MILR1: variants seen among roughly 807,000 people sequenced by gnomAD.
MILR1 encodes allergin-1.
MILR1 carries 31 observed loss-of-function variants against 18.5 expected under a neutral mutation model. That is an observed-to-expected ratio of 1.68 (90% CI 1.26 to 2.26). The LOEUF (loss-of-function observed/expected upper bound fraction) is 2.26, where lower values mean the gene tolerates loss of function less well. MILR1 is among the 30% of genes most tolerant of loss of function. The pLI, the probability that MILR1 is intolerant of heterozygous loss-of-function variation, is 0.00. For synonymous variants in MILR1, 85 were observed against 56.2 expected (o/e 1.51, Z -2.30); for missense variants, 257 against 157.4 (o/e 1.63, Z -3.38).
the MILR1 span, chr17:64,485,835 C>T: frequency 6.2e-7 from 1 of 1,613,946 alleles, no homozygotes; most frequent in Non-Finnish European, 8.5e-7. Context: ...ACAGAGAGAA[C>T]ACAAGGAACC....
At chr17:64,493,515 C>T in the MILR1 span, among the ~76,000 whole-genome samples, 2 of 151,864 alleles carry the variant, frequency 1.3e-5, no homozygotes, top group African/African-American at 2.4e-5. Context: ...GATGGAGTCT[C>T]GCTCTGTCGC....
intron 3 of MILR1, among the ~76,000 whole-genome samples, chr17:64,455,128 G>T (rs2037260525): frequency 6.6e-6 from 1 of 152,188 alleles, no homozygotes; most frequent in Admixed American, 6.5e-5. Context: ...GTGAGGGCAG[G>T]AACACAGCTG....
At chr17:64,489,558 C>T in the MILR1 span, among the ~76,000 whole-genome samples, 2 of 151,308 alleles carry the variant, frequency 1.3e-5, no homozygotes, top group African/African-American at 4.9e-5. Context: ...CCCAGGAGTT[C>T]GAGACCAGCC....
chr17:64,472,284 C>T (rs187954513), downstream of MILR1, among the ~76,000 whole-genome samples: 1,575 of 151,462 alleles, frequency 0.01, 22 homozygotes, highest in African/African-American at 0.036. Flanking sequence ...CTGTCCAACA[C>T]GGTGAAACCC....
At position 64,450,141 on chromosome 17, in the gene MILR1, C is replaced by CGT. The variant is rs2037135674; in HGVS notation, c.97+787_97+788dup. Among the ~76,000 whole-genome samples, 528 of 151,974 alleles carry CGT rather than the reference C, an allele frequency of 3.5e-3. 2 individuals carry two copies. Among genetic ancestry groups the CGT allele is most frequent in the Non-Finnish European group, 3.0e-3 (207 of 67,940 alleles). ...TTTTTGTAGAGACGGGGTTTCACATCGTTAGCCAGGATGGTCTCGATCTCC... is the reference window on the plus strand; with the variant it reads ...TTTTTGTAGAGACGGGGTTTCACATCGTGTTAGCCAGGATGGTCTCGATCTCC... On this transcript the variant is annotated intron_variant, in intron 2 of 9. Transcript: ENST00000619286.
chr17:64,493,998 A>G, the MILR1 span, among the ~76,000 whole-genome samples: 1 of 152,160 alleles, frequency 6.6e-6, no homozygotes, highest in African/African-American at 2.4e-5. Context: ...TAATACCACA[A>G]TATAATCTAA....
At chr17:64,472,365 C>A (rs1311060125), downstream of MILR1, among the ~76,000 whole-genome samples, 1 of 141,656 alleles carries the variant, frequency 7.1e-6, no homozygotes, top group Non-Finnish European at 1.5e-5. Flanking sequence ...ACTGGGGAGG[C>A]TGAGGCATGA....
chr17:64,450,750 G>A (rs2037151643), intron 2 of MILR1, among the ~76,000 whole-genome samples: 2 of 152,130 alleles, frequency 1.3e-5, no homozygotes, highest in East Asian at 1.9e-4. Context: ...CCAAAGTGCT[G>A]GGGTTACAGG....
At chr17:64,461,215 A>G (rs1437216102) in intron 5 of MILR1, among the ~76,000 whole-genome samples, 1 of 152,094 alleles carries the variant, frequency 6.6e-6, no homozygotes, top group Non-Finnish European at 1.5e-5. Context: ...CCCTGTGCCA[A>G]GAAGAACTCC....
chr17:64,484,383 C>T, the MILR1 span, among the ~76,000 whole-genome samples: 1 of 152,220 alleles, frequency 6.6e-6, no homozygotes, highest in African/African-American at 2.4e-5. Context: ...GCATCTCCAG[C>T]ATGTTCTAGA....
the MILR1 span, chr17:64,485,554 A>G: frequency 4.7e-6 from 3 of 633,278 alleles, no homozygotes; most frequent in South Asian, 1.9e-5. Context: ...CTATTCTGTG[A>G]GAACCTGATT....
chr17:64,454,553 A>T (rs1233489389), intron 3 of MILR1, among the ~76,000 whole-genome samples: 1 of 152,236 alleles, frequency 6.6e-6, no homozygotes, highest in Non-Finnish European at 1.5e-5. Context: ...ACATTGCTGT[A>T]GCTCAGTGAT....
At chr17:64,485,613 C>A in the MILR1 span, 2 of 857,856 alleles carry the variant, frequency 2.3e-6, 1 homozygote, top group South Asian at 2.8e-5. Flanking sequence ...ACTTAGACTA[C>A]ATGCACTAAA....
chr17:64,496,109 C>T, the MILR1 span, among the ~76,000 whole-genome samples: 2 of 152,174 alleles, frequency 1.3e-5, no homozygotes, highest in Admixed American at 1.3e-4. Context: ...CTGTGTAGTT[C>T]CTTATGCACT....
rs2037630696 is a variant in MILR1 at position 64,468,423 on chromosome 17, G to A, written c.*142G>A. The A allele has an allele frequency of 2.5e-6, 1 of 395,350 alleles. No homozygotes were observed. The highest frequency in any genetic ancestry group is 3.2e-5 in the Admixed American group (1 of 31,260). The allele number at this position is 395,350 out of a possible 1,614,324, so 24.5% of individuals were successfully genotyped here. On this transcript the variant is annotated 3_prime_UTR_variant, in exon 10 of 10. Coordinates refer to ENST00000619286, the MANE Select transcript of MILR1 (RefSeq NM_001085423.2). ...CATGCCTCGACCTCCCGAGTAGCTGGGATTACAGGTGCCCGCTACCACGCC... is the reference window on the plus strand; with the variant it reads ...CATGCCTCGACCTCCCGAGTAGCTGAGATTACAGGTGCCCGCTACCACGCC...
At chr17:64,496,085 A>G in the MILR1 span, among the ~76,000 whole-genome samples, 1 of 152,230 alleles carries the variant, frequency 6.6e-6, no homozygotes, top group African/African-American at 2.4e-5. Context: ...AAATCTAAGA[A>G]AAGTTCAAAA....
intron 2 of MILR1, among the ~76,000 whole-genome samples, chr17:64,449,946 C>CT (rs10650884): frequency 0.53 from 77,083 of 144,802 alleles, 21,006 homozygotes; most frequent in Middle Eastern, 0.72. Flanking sequence ...TTCTTTCTTT[C>CT]TTTTTTTTTT....
Position 64,468,619 on chromosome 17 carries a change from A to C in MILR1, c.*338A>C, listed in dbSNP as rs555604443. 1,004 of 1,132,064 alleles carry C rather than the reference A, an allele frequency of 8.9e-4. No individual in the cohort carries two copies. The highest frequency in any genetic ancestry group is 1.1e-3 in the Non-Finnish European group (970 of 915,614). 70.1% of individuals were successfully genotyped at this position (1,132,064 alleles called of 1,614,324 possible). ...TCGCTTTAGTAAATAAAGGGTCTCC[A>C]AGAATAAATTCATCCGAACATGCAT... On this transcript the variant is annotated 3_prime_UTR_variant, in exon 10 of 10. Transcript: ENST00000619286.
At chr17:64,471,841 A>G (rs2037691075), downstream of MILR1, among the ~76,000 whole-genome samples, 1 of 152,238 alleles carries the variant, frequency 6.6e-6, no homozygotes, top group Non-Finnish European at 1.5e-5. Context: ...GAAAGTCCAG[A>G]TGTAGTTCTA....
Sources: gnomAD v4.1 joint callset for allele counts (sites outside exome capture counted in the v4.1 genomes callset) on GRCh38, gnomAD v4.1.1 for gene constraint, MANE v1.5 for transcripts, NCBI Gene and HGNC (gene_info 2026-07-23, HGNC 2026-07-21) for gene names.